Variants in PPP1R37 observed in about 807,000 individuals in gnomAD.
PPP1R37 encodes the protein protein phosphatase 1 regulatory subunit 37, also known as leucine rich repeat containing 68.
In PPP1R37, 21 loss-of-function variants were observed where a neutral mutation model predicts 61.0. The ratio of observed to expected loss-of-function variants is 0.34; its 90% CI spans 0.24 to 0.50. The LOEUF (loss-of-function observed/expected upper bound fraction) is 0.50, where lower values mean the gene tolerates loss of function less well. Among genes scored for constraint, PPP1R37 ranks in the 20% least tolerant of loss-of-function variants. The probability of loss-of-function intolerance (pLI) is 0.98; values close to 1 mark genes in which losing one functional copy is unlikely to be tolerated. For synonymous variants in PPP1R37, 443 were observed against 433.5 expected (o/e 1.02, Z -0.27); for missense variants, 910 against 952.7 (o/e 0.96, Z 0.59).
chr19:45,146,235 T>TG (rs1234057933), intron 11 of PPP1R37, 155 bp from the exon 12 acceptor site: 38 of 871,830 alleles, frequency 4.4e-5, no homozygotes, highest in Admixed American at 1.5e-4. Flanking sequence ...CTTCCTGGGG[T>TG]GGGGGGGCAT....
At chr19:45,099,397 G>C (rs1968033780) in intron 1 of PPP1R37, among the ~76,000 whole-genome samples, 1 of 152,228 alleles carries the variant, frequency 6.6e-6, no homozygotes, top group African/African-American at 2.4e-5. Context: ...TTCCACACTG[G>C]CCATGTTAGT....
At chr19:45,140,192 CT>C (rs960448784) in intron 2 of PPP1R37, 43 bp from the exon 3 acceptor site, 2 of 1,513,504 alleles carry the variant, frequency 1.3e-6, no homozygotes, top group East Asian at 2.5e-5. Context: ...GGCTGCCCCC[CT>C]GTTCAAGTGT....
At chr19:45,128,622 C>A in intron 1 of PPP1R37, 1 of 1,265,646 alleles carries the variant, frequency 7.9e-7, no homozygotes, top group Non-Finnish European at 1.1e-6. Flanking sequence ...GGCCTCCTTC[C>A]CAATGCAGTG....
intron 1 of PPP1R37, among the ~76,000 whole-genome samples, chr19:45,096,833 TG>T (rs1399717693): frequency 1.3e-5 from 2 of 152,106 alleles, no homozygotes; most frequent in African/African-American, 4.8e-5. Flanking sequence ...TGGACTGGAC[TG>T]GAAGAATTGG....
chr19:45,099,436 CTT>C (rs995114145), intron 1 of PPP1R37, among the ~76,000 whole-genome samples: 3 of 152,246 alleles, frequency 2.0e-5, no homozygotes, highest in Non-Finnish European at 4.4e-5. Flanking sequence ...TGGCTGATGA[CTT>C]TGGACAAGTT....
Position 45,145,697 on chromosome 19 carries a change from C to A in PPP1R37, c.1641C>A (p.Gly547=). ...GCCCTGGGGACAGGAGTCCCCCAGG[C>A]AGCCCCTCCACACCCACCGAGCAGC... ...SLGPGDRSPP[G]SPSTPTEQRI... is the part of the protein sequence containing the mutation. Residue 547 remains glycine (G), a synonymous_variant, in exon 11 of 13, where the codon GGC becomes GGA. Coordinates refer to ENST00000221462, the MANE Select transcript of PPP1R37 (RefSeq NM_019121.2). The A allele has an allele frequency of 6.5e-7, 1 of 1,534,450 alleles. No individual in the cohort carries two copies. The highest frequency in any genetic ancestry group is 8.7e-7 in the Non-Finnish European group (1 of 1,146,104).
intron 1 of PPP1R37, chr19:45,128,521 A>C: frequency 9.3e-7 from 1 of 1,078,386 alleles, no homozygotes; most frequent in Non-Finnish European, 1.3e-6. Context: ...CGAGAAGACA[A>C]GGTTGAGTCA....
chr19:45,093,205 A>T lies in PPP1R37; in HGVS notation c.-121A>T, dbSNP rs1967943267. 1 of 805,802 alleles carries T rather than the reference A, an allele frequency of 1.2e-6. No homozygotes were observed. Among genetic ancestry groups the T allele is most frequent in the Non-Finnish European group, 1.7e-6 (1 of 576,172 alleles). The allele number at this position is 805,802 out of a possible 1,614,324, so 49.9% of individuals were successfully genotyped here. On this transcript the variant is annotated 5_prime_UTR_variant, in exon 1 of 13. Coordinates refer to ENST00000221462, the MANE Select transcript of PPP1R37 (RefSeq NM_019121.2). ...ACGACTACGACCACTAGGAGAGCGGACGGAGGCGGCGCCTGAAGCGGCGGC... is the reference window on the plus strand; with the variant it reads ...ACGACTACGACCACTAGGAGAGCGGTCGGAGGCGGCGCCTGAAGCGGCGGC...
chr19:45,110,228 G>A (rs564919269), intron 1 of PPP1R37, among the ~76,000 whole-genome samples: 2 of 150,774 alleles, frequency 1.3e-5, no homozygotes, highest in African/African-American at 2.4e-5. Flanking sequence ...TGATCCTCCC[G>A]CCTCAGCCTT....
intron 1 of PPP1R37, among the ~76,000 whole-genome samples, chr19:45,127,576 A>C (rs1425727746): frequency 6.6e-6 from 1 of 152,224 alleles, no homozygotes; most frequent in Admixed American, 6.5e-5. Context: ...CTGCATATGC[A>C]GTCCATCATT....
Position 45,093,243 on chromosome 19 carries a change from C to G in PPP1R37, c.-83C>G. 1 of 1,156,450 alleles carries G rather than the reference C, an allele frequency of 8.6e-7. No individual in the cohort carries two copies. The highest frequency in any genetic ancestry group is 1.1e-6 in the Non-Finnish European group (1 of 890,614). 71.6% of individuals were successfully genotyped at this position (1,156,450 alleles called of 1,614,324 possible). A position where few individuals can be genotyped will look rare whatever the true frequency, so the allele number is the denominator to read the frequency against. ...CTGAAGCGGCGGCGGAGCCCATGCC[C>G]CGGGACGGCGGGCGGACCCGGAGAG... is the stretch of plus-strand genomic sequence containing the variant. On this transcript the variant is annotated 5_prime_UTR_variant, in exon 1 of 13. Coordinates refer to ENST00000221462, the MANE Select transcript of PPP1R37 (RefSeq NM_019121.2).
intron 1 of PPP1R37, among the ~76,000 whole-genome samples, chr19:45,104,595 T>G (rs919893238): frequency 6.6e-6 from 1 of 152,066 alleles, no homozygotes; most frequent in East Asian, 1.9e-4. Flanking sequence ...TCCTGCTCCC[T>G]CTCCAACCCG....
intron 1 of PPP1R37, chr19:45,128,671 G>C (rs1044639153): frequency 1.6e-6 from 2 of 1,220,290 alleles, no homozygotes; most frequent in South Asian, 1.2e-5. Context: ...GTGCTCAAAG[G>C]CTGGCCCTGT....
chr19:45,140,638 C>A (rs779975652), intron 4 of PPP1R37, 32 bp downstream of exon 4: 1 of 1,491,968 alleles, frequency 6.7e-7, no homozygotes, highest in Non-Finnish European at 9.0e-7. Context: ...CACTTGGCTC[C>A]CTGAGCTCCC....
rs1180493097 is a variant in PPP1R37 at position 45,146,389 on chromosome 19, G to C, written c.1994-1G>C. On this transcript the variant is annotated splice_acceptor_variant, in intron 11 of 12. Coordinates refer to ENST00000221462, the MANE Select transcript of PPP1R37 (RefSeq NM_019121.2). LOFTEE classifies it high-confidence loss of function. ...GGGTGCTGGCCCGTCCTCCCACACA[G>C]AACTGAGCTGCTCCAAGAACGAGAA... 3.3e-6 allele frequency: 5 copies of C among 1,535,756 alleles called. No individual in the cohort carries two copies. Among genetic ancestry groups the C allele is most frequent in the South Asian group, 1.2e-5 (1 of 83,998 alleles).
chr19:45,093,704 A>G (rs1367081380), intron 1 of PPP1R37, among the ~76,000 whole-genome samples, 177 bp downstream of exon 1: 1 of 152,176 alleles, frequency 6.6e-6, no homozygotes, highest in African/African-American at 2.4e-5. Flanking sequence ...GGAGTTGGGA[A>G]GGTGAAAAGT....
At chr19:45,120,939 T>C (rs1436760674) in intron 1 of PPP1R37, among the ~76,000 whole-genome samples, 1 of 152,202 alleles carries the variant, frequency 6.6e-6, no homozygotes, top group Non-Finnish European at 1.5e-5. Flanking sequence ...TTTTGACTGG[T>C]CTTGCCAAAT....
chr19:45,136,302 G>T (rs184134243), intron 1 of PPP1R37: 136 of 152,360 alleles, frequency 8.9e-4, no homozygotes, highest in African/African-American at 3.0e-3. Context: ...TTTCATGTCA[G>T]TCTCAAGGTC....
intron 1 of PPP1R37, among the ~76,000 whole-genome samples, chr19:45,134,182 A>AT (rs893483573): frequency 4.0e-5 from 6 of 151,204 alleles, no homozygotes; most frequent in African/African-American, 1.5e-4. Context: ...TTTTTCTGAA[A>AT]TTTTTTTTGT....
Sources: gnomAD v4.1 joint callset for allele counts (sites outside exome capture counted in the v4.1 genomes callset) on GRCh38, gnomAD v4.1.1 for gene constraint, MANE v1.5 for transcripts, NCBI Gene and HGNC (gene_info 2026-07-23, HGNC 2026-07-21) for gene names.